The following VWA3B variants were observed in gnomAD, a reference collection of about 807,000 sequenced individuals.
VWA3B encodes von Willebrand factor A domain-containing protein 3B.
A neutral mutation model predicts 158.3 loss-of-function variants in VWA3B; 138 were observed. The observed-to-expected ratio is 0.87, with a 90% CI of 0.76 to 1.00. The LOEUF (loss-of-function observed/expected upper bound fraction) is 1.00. Ranked by LOEUF, VWA3B falls within the 50% of genes least tolerant of loss-of-function variation. The pLI is 0.00. For synonymous variants in VWA3B, 596 were observed against 587.3 expected (o/e 1.01, Z -0.21); for missense variants, 1,555 against 1,565.1 (o/e 0.99, Z 0.11).
At chr2:98,187,606 C>G (rs1391641518) in intron 9 of VWA3B, among the ~76,000 whole-genome samples, 1 of 151,772 alleles carries the variant, frequency 6.6e-6, no homozygotes, top group African/African-American at 2.4e-5. Flanking sequence ...GACTGAGTAT[C>G]TAATTCTCCA....
At chr2:98,114,570 G>A (rs1573799373) in intron 2 of VWA3B, among the ~76,000 whole-genome samples, 2 of 152,284 alleles carry the variant, frequency 1.3e-5, no homozygotes, top group East Asian at 3.9e-4. Context: ...TGCCTTCCTA[G>A]TAAGGCAGAG....
At chr2:98,277,333 C>T (rs919255975) in intron 22 of VWA3B, among the ~76,000 whole-genome samples, 1 of 152,150 alleles carries the variant, frequency 6.6e-6, no homozygotes, top group Non-Finnish European at 1.5e-5. Context: ...CAGAGCTGAA[C>T]GATAGGGGAA....
chr2:98,293,565 C>A (rs1237854604), intron 23 of VWA3B, among the ~76,000 whole-genome samples: 3 of 152,042 alleles, frequency 2.0e-5, no homozygotes, highest in Non-Finnish European at 4.4e-5. Context: ...TACTCTTTAC[C>A]CAGATTTGCC....
rs144619886 is a variant in VWA3B, at chr2:98,168,000, C to A, written c.1114+5024C>A. On this transcript the variant is annotated intron_variant, in intron 8 of 27. Coordinates refer to ENST00000477737, the MANE Select transcript of VWA3B (RefSeq NM_144992.5). ...AACATAACTGCATCTCTGAACAAAG[C>A]TCAAGAAAATTTGTAAGAACAAAAG... 1.6e-3 allele frequency among the ~76,000 whole-genome samples: 247 copies of A among 152,260 alleles called. 1 individual carries two copies. The highest frequency in any genetic ancestry group is 3.5e-3 in the Admixed American group (54 of 15,294).
intron 7 of VWA3B, among the ~76,000 whole-genome samples, chr2:98,152,642 T>G (rs1286152803): frequency 1.3e-5 from 2 of 152,228 alleles, no homozygotes; most frequent in African/African-American, 2.4e-5. Flanking sequence ...AAGTATGGAT[T>G]AGTAAAATTA....
At chr2:98,259,850 T>A (rs1687375599) in intron 21 of VWA3B, among the ~76,000 whole-genome samples, 1 of 151,750 alleles carries the variant, frequency 6.6e-6, no homozygotes, top group African/African-American at 2.4e-5. Context: ...GAGAGCTATC[T>A]TTTAATGAGG....
chr2:98,129,495 GACAGTC>G (rs1385394943), intron 6 of VWA3B, among the ~76,000 whole-genome samples: 3 of 152,116 alleles, frequency 2.0e-5, no homozygotes, highest in Non-Finnish European at 4.4e-5. Flanking sequence ...TATCTCCAAA[GACAGTC>G]ACATTGGGAA....
chr2:98,101,993 T>C (rs1683109385), intron 2 of VWA3B, among the ~76,000 whole-genome samples: 1 of 152,206 alleles, frequency 6.6e-6, no homozygotes, highest in African/African-American at 2.4e-5. Context: ...CAAAGGTCTC[T>C]GGTTTTCCTA....
intron 26 of VWA3B, 119 bp downstream of exon 26, chr2:98,303,921 T>G: frequency 1.1e-6 from 1 of 918,286 alleles, no homozygotes; most frequent in East Asian, 2.6e-5. Flanking sequence ...AGATGCAGAA[T>G]GTCCTACTTA....
chr2:98,220,981 A>C (rs1350594507), intron 14 of VWA3B, among the ~76,000 whole-genome samples: 2 of 152,102 alleles, frequency 1.3e-5, no homozygotes, highest in Non-Finnish European at 2.9e-5. Flanking sequence ...GGGGCGGGGC[A>C]GAGGGAGGGA....
intron 2 of VWA3B, among the ~76,000 whole-genome samples, chr2:98,094,000 A>G (rs1682540515): frequency 6.6e-6 from 1 of 152,126 alleles, no homozygotes; most frequent in African/African-American, 2.4e-5. Flanking sequence ...ATAGTATTTA[A>G]TTGTGTATAT....
chr2:98,134,100 T>C, intron 7 of VWA3B, 161 bp downstream of exon 7: 4 of 640,174 alleles, frequency 6.2e-6, no homozygotes, highest in African/African-American at 1.8e-5. Flanking sequence ...AGTGGTGAGT[T>C]TGTCAGCGTA....
intron 13 of VWA3B, chr2:98,216,947 G>T: frequency 2.3e-6 from 3 of 1,300,260 alleles, no homozygotes; most frequent in Non-Finnish European, 3.0e-6. Context: ...AAGACAGCAT[G>T]AGTGGGAGAG....
chr2:98,151,546 G>A (rs1488839764), intron 7 of VWA3B, among the ~76,000 whole-genome samples: 1 of 152,118 alleles, frequency 6.6e-6, no homozygotes, highest in African/African-American at 2.4e-5. Context: ...TGGGTGGGGA[G>A]GTCTACTCCA....
chr2:98,173,898 C>A (rs913788658), intron 8 of VWA3B, among the ~76,000 whole-genome samples: 5 of 151,522 alleles, frequency 3.3e-5, no homozygotes, highest in African/African-American at 1.2e-4. Context: ...ACTCGGGAGG[C>A]GGAGGCTGCA....
downstream of VWA3B, among the ~76,000 whole-genome samples, chr2:98,314,756 C>T (rs184003672): frequency 6.6e-6 from 1 of 152,318 alleles, no homozygotes; most frequent in East Asian, 1.9e-4. Context: ...GACTTGGTGG[C>T]TCACGCCTGT....
chr2:98,290,390 C>T (rs1489337817), intron 22 of VWA3B, 121 bp from the exon 23 acceptor site: 6 of 741,506 alleles, frequency 8.1e-6, no homozygotes, highest in African/African-American at 1.8e-5. Flanking sequence ...ACTTGTAATT[C>T]AACATGAGAT....
At chr2:98,282,467 T>C (rs1236008603) in intron 22 of VWA3B, among the ~76,000 whole-genome samples, 1 of 144,810 alleles carries the variant, frequency 6.9e-6, no homozygotes, top group Non-Finnish European at 1.5e-5. Context: ...AGACAAAGTC[T>C]CACTCTATCA....
Position 98,093,228 on chromosome 2 carries a change from A to G in VWA3B, c.136A>G (p.Lys46Glu). The part of the protein sequence containing the change: ...SEKWLQLHGL[K>E]SNKLTLKQIL... ...GAAATGGCTTCAACTGCATGGGCTT[A>G]AGAGCAACAAATTGACCTTGAAACA... Residue 46 changes from lysine (K) to glutamate (E), a missense_variant, in exon 2 of 28, where the codon AAG (lysine) becomes GAG (glutamate). By Grantham distance (56) the Lys-to-Glu change is moderately conservative. Transcript: ENST00000477737. 1 of 1,614,144 alleles carries G rather than the reference A, an allele frequency of 6.2e-7. No individual in the cohort carries two copies. Among genetic ancestry groups the G allele is most frequent in the Non-Finnish European group, 8.5e-7 (1 of 1,180,016 alleles).
Sources: allele counts gnomAD v4.1 joint callset (sites outside exome capture counted in the v4.1 genomes callset), GRCh38; gene constraint gnomAD v4.1.1; transcripts MANE v1.5; gene names NCBI Gene and HGNC (gene_info 2026-07-23, HGNC 2026-07-21).